Variants in TMEM196 observed in about 807,000 individuals in gnomAD.
The protein encoded by TMEM196 is transmembrane protein 196.
A neutral mutation model predicts 20.0 loss-of-function variants in TMEM196; 17 were observed. The ratio of observed to expected loss-of-function variants is 0.85; its 90% CI spans 0.58 to 1.27. The LOEUF is 1.27. TMEM196 is among the 50% of genes most tolerant of loss of function. The pLI is 0.00. For synonymous variants in TMEM196, 113 were observed against 88.9 expected, an observed-to-expected ratio of 1.27 and a Z score of -1.52; for missense variants, 267 against 223.0, an observed-to-expected ratio of 1.20 and a Z score of -1.26.
At chr7:19,747,654 A>T (rs1784811150) in intron 1 of TMEM196, among the ~76,000 whole-genome samples, 1 of 152,222 alleles carries the variant, frequency 6.6e-6, no homozygotes, top group Non-Finnish European at 1.5e-5. Flanking sequence ...GGCTAACCTC[A>T]TTTGGAATTT....
At chr7:19,747,280 TAAAAATA>T (rs1169695318) in intron 1 of TMEM196, among the ~76,000 whole-genome samples, 14 of 145,276 alleles carry the variant, frequency 9.6e-5, no homozygotes, top group Admixed American at 8.3e-4. Context: ...TAAAATAAAA[TAAAAATA>T]AAAAATAAAA....
intron 1 of TMEM196, among the ~76,000 whole-genome samples, chr7:19,732,423 A>C (rs1363382364): frequency 1.3e-5 from 2 of 152,050 alleles, no homozygotes; most frequent in Non-Finnish European, 2.9e-5. Flanking sequence ...AAATACAAAA[A>C]TTAGCCGGGC....
At chr7:19,742,527 A>C (rs1784615672) in intron 1 of TMEM196, among the ~76,000 whole-genome samples, 1 of 152,134 alleles carries the variant, frequency 6.6e-6, no homozygotes, top group African/African-American at 2.4e-5. Flanking sequence ...ACATCGCTCC[A>C]TTTGACGACA....
At chr7:19,752,444 G>A (rs1453326650) in intron 1 of TMEM196, among the ~76,000 whole-genome samples, 1 of 151,852 alleles carries the variant, frequency 6.6e-6, no homozygotes, top group African/African-American at 2.4e-5. Flanking sequence ...TTTATTCAAG[G>A]CCTCACCAGC....
intron 1 of TMEM196, among the ~76,000 whole-genome samples, chr7:19,770,248 T>C (rs1002838816): frequency 6.6e-5 from 10 of 152,196 alleles, no homozygotes; most frequent in African/African-American, 2.4e-4. Context: ...AAGTTAGTAA[T>C]GTACCATTTT....
chr7:19,743,358 T>A (rs1000523397), intron 1 of TMEM196, among the ~76,000 whole-genome samples: 1 of 152,196 alleles, frequency 6.6e-6, no homozygotes, highest in Non-Finnish European at 1.5e-5. Context: ...TTTCACTCTC[T>A]CTTTTCAGAG....
rs117628613 is a variant in TMEM196 at position 19,765,895 on chromosome 7, T to C, written c.147+6655A>G. ...CGAAAACAAAAAGAATGGGTCAAAC[T>C]AGGGTTGATGAAAGGTGTGGGAGAA... On this transcript the variant is annotated intron_variant, in intron 1 of 4. Coordinates refer to ENST00000405844, the MANE Select transcript of TMEM196 (RefSeq NM_001363562.2). 5.8e-3 allele frequency among the ~76,000 whole-genome samples: 885 copies of C among 152,104 alleles called. 4 individuals are homozygous for C. The highest frequency in any genetic ancestry group is 8.9e-3 in the Non-Finnish European group (602 of 67,964).
chr7:19,751,390 G>A (rs1784955238), intron 1 of TMEM196, among the ~76,000 whole-genome samples: 3 of 152,182 alleles, frequency 2.0e-5, no homozygotes, highest in Non-Finnish European at 4.4e-5. Flanking sequence ...TAGAACCAAG[G>A]CTTAAAAGAA....
intron 1 of TMEM196, among the ~76,000 whole-genome samples, chr7:19,733,283 G>A (rs1267766384): frequency 6.6e-6 from 1 of 152,134 alleles, no homozygotes; most frequent in African/African-American, 2.4e-5. Context: ...GGAGGTTTCT[G>A]CTTTTGCTTA....
chr7:19,750,468 T>C (rs1204148195), intron 1 of TMEM196, among the ~76,000 whole-genome samples: 1 of 152,136 alleles, frequency 6.6e-6, no homozygotes, highest in Non-Finnish European at 1.5e-5. Flanking sequence ...AGGTATTTAA[T>C]CATTATTATG....
At chr7:19,767,378 A>G (rs1250577269) in intron 1 of TMEM196, among the ~76,000 whole-genome samples, 4 of 152,102 alleles carry the variant, frequency 2.6e-5, no homozygotes, top group Non-Finnish European at 5.9e-5. Flanking sequence ...TGCCCAGTGG[A>G]TAATCAGTAG....
At chr7:19,771,330 G>C (rs1278647578) in intron 1 of TMEM196, among the ~76,000 whole-genome samples, 1 of 152,068 alleles carries the variant, frequency 6.6e-6, no homozygotes, top group Non-Finnish European at 1.5e-5. Flanking sequence ...TGTTAGGATT[G>C]AACACTATTT....
Position 19,720,237 on chromosome 7 carries a change from G to A in TMEM196, c.*1891C>T, listed in dbSNP as rs1435247933. 6.6e-6 allele frequency: 1 copy of A among 151,970 alleles called. No individual in the cohort carries two copies. 9.4% of individuals were successfully genotyped at this position (151,970 alleles called of 1,614,324 possible). On this transcript the variant is annotated 3_prime_UTR_variant, in exon 5 of 5. Transcript: ENST00000405844. Reference sequence around the variant, plus strand: ...ATGAAGTTATCCAAAGGAATTGGGAGACTTCAAAAAGTGCACCAAACAAGC... The same window carrying A: ...ATGAAGTTATCCAAAGGAATTGGGAAACTTCAAAAAGTGCACCAAACAAGC...
intron 1 of TMEM196, among the ~76,000 whole-genome samples, chr7:19,770,387 T>C (rs1220015433): frequency 3.3e-5 from 5 of 152,162 alleles, no homozygotes; most frequent in African/African-American, 1.2e-4. Context: ...AAATTCATCA[T>C]TGAAGAAAGT....
intron 1 of TMEM196, among the ~76,000 whole-genome samples, chr7:19,742,000 T>C (rs1784596025): frequency 6.6e-6 from 1 of 152,146 alleles, no homozygotes; most frequent in South Asian, 2.1e-4. Flanking sequence ...TGAGTGATTG[T>C]AGTTCAATCT....
At position 19,772,900 on chromosome 7, in the gene TMEM196, C is replaced by T. The variant is rs548576697; in HGVS notation, c.-204G>A. The T allele has an allele frequency of 2.4e-6, 1 of 420,014 alleles. No homozygotes were observed. The highest frequency in any genetic ancestry group is 6.1e-4 in the Middle Eastern group (1 of 1,646). The allele number at this position is 420,014 out of a possible 1,614,324, so 26.0% of individuals were successfully genotyped here. A position where few individuals can be genotyped will look rare whatever the true frequency, so the allele number is the denominator to read the frequency against. ...GGCCAGAGGCAAAGGAGCTGCTCCACCCCCTGGCACGTTCAGATAGGGATC... is the reference window on the plus strand; with the variant it reads ...GGCCAGAGGCAAAGGAGCTGCTCCATCCCCTGGCACGTTCAGATAGGGATC... On this transcript the variant is annotated 5_prime_UTR_variant, in exon 1 of 5. In the 5' UTR this introduces an upstream ATG that the reference lacks. Coordinates refer to ENST00000405844, the MANE Select transcript of TMEM196 (RefSeq NM_001363562.2).
chr7:19,726,384 C>T (rs1043724599), intron 2 of TMEM196, among the ~76,000 whole-genome samples: 34 of 152,202 alleles, frequency 2.2e-4, no homozygotes, highest in African/African-American at 7.7e-4. Flanking sequence ...TTAGTTAAAT[C>T]TCTTTTTTTA....
chr7:19,722,364 A>T (rs1424415684), intron 4 of TMEM196, among the ~76,000 whole-genome samples: 1 of 152,122 alleles, frequency 6.6e-6, no homozygotes, highest in African/African-American at 2.4e-5. Context: ...CTCCACAACA[A>T]CGGTCCATTC....
chr7:19,729,974 A>C (rs1403807551), intron 1 of TMEM196, among the ~76,000 whole-genome samples: 4 of 152,166 alleles, frequency 2.6e-5, no homozygotes, highest in African/African-American at 9.6e-5. Context: ...ACAAAGAGAT[A>C]GGCTGGGCGC....
Sources: allele counts gnomAD v4.1 joint callset (sites outside exome capture counted in the v4.1 genomes callset), GRCh38; gene constraint gnomAD v4.1.1; transcripts MANE v1.5; gene names NCBI Gene and HGNC (gene_info 2026-07-23, HGNC 2026-07-21).